CRISPLD1: variants seen among roughly 807,000 people sequenced by gnomAD.
CRISPLD1 encodes the protein cysteine rich secretory protein LCCL domain containing 1.
CRISPLD1 carries 60 observed loss-of-function variants against 77.5 expected under a neutral mutation model. The observed-to-expected ratio is 0.77, with a 90% CI of 0.63 to 0.96. The LOEUF is 0.96. Ranked by LOEUF, CRISPLD1 falls within the 40% of genes least tolerant of loss-of-function variation. The probability of loss-of-function intolerance (pLI) is 0.00; values close to 1 mark genes in which losing one functional copy is unlikely to be tolerated. For synonymous variants in CRISPLD1, 195 were observed against 200.1 expected, an observed-to-expected ratio of 0.97 and a Z score of 0.22; for missense variants, 623 against 615.8, an observed-to-expected ratio of 1.01 and a Z score of -0.12.
intron 6 of CRISPLD1, among the ~76,000 whole-genome samples, chr8:75,016,076 GA>G (rs1285539918): frequency 2.6e-5 from 4 of 151,882 alleles, no homozygotes; most frequent in Non-Finnish European, 5.9e-5. Flanking sequence ...TCTTCTAAAG[GA>G]AAAAAACTCT....
intron 14 of CRISPLD1, among the ~76,000 whole-genome samples, chr8:75,031,464 C>T (rs914969402): frequency 4.0e-5 from 6 of 151,830 alleles, no homozygotes; most frequent in Non-Finnish European, 7.4e-5. Context: ...CCTTGATTTA[C>T]GTTGCTAAAT....
chr8:75,016,594 G>A lies in CRISPLD1; in HGVS notation c.757G>A (p.Glu253Lys). Residue 253 changes from glutamate to lysine, a missense_variant, in exon 7 of 15, where the codon GAA becomes AAA. By Grantham distance (56) the Glu-to-Lys change is moderately conservative. Coordinates refer to ENST00000262207, the MANE Select transcript of CRISPLD1 (RefSeq NM_031461.6). ...GTCAGACAGGTATTATCCCCCTCGA[G>A]AAGAGGAAACAAATGAAATAGAACG... Reference protein sequence around the residue: ...EGSDRYYPPREEETNEIERQQ... With the variant: ...EGSDRYYPPRKEETNEIERQQ... The A allele has an allele frequency of 6.2e-7, 1 of 1,613,224 alleles. No individual in the cohort carries two copies. The highest frequency in any genetic ancestry group is 8.5e-7 in the Non-Finnish European group (1 of 1,179,420).
chr8:75,010,606 G>C (rs1370498563), intron 2 of CRISPLD1, among the ~76,000 whole-genome samples: 1 of 151,902 alleles, frequency 6.6e-6, no homozygotes, highest in Non-Finnish European at 1.5e-5. Flanking sequence ...AGGAAATCTT[G>C]GTTTTCTGTC....
intron 2 of CRISPLD1, among the ~76,000 whole-genome samples, chr8:74,993,639 A>G (rs1288753397): frequency 6.6e-6 from 1 of 152,236 alleles, no homozygotes; most frequent in Non-Finnish European, 1.5e-5. Flanking sequence ...AAAAAGTGAC[A>G]TTACAACCCA....
intron 10 of CRISPLD1, among the ~76,000 whole-genome samples, chr8:75,018,039 A>T (rs1235118984): frequency 1.3e-5 from 2 of 152,166 alleles, no homozygotes; most frequent in East Asian, 1.9e-4. Context: ...AAGTAGAAAA[A>T]TGGGGGCTTT....
intron 2 of CRISPLD1, among the ~76,000 whole-genome samples, chr8:74,991,533 A>G (rs1163039713): frequency 1.3e-5 from 2 of 152,038 alleles, no homozygotes; most frequent in African/African-American, 4.8e-5. Context: ...GAATTACTCA[A>G]TGTTCTTGAA....
chr8:75,001,999 AC>A (rs2128782798), intron 2 of CRISPLD1, among the ~76,000 whole-genome samples: 1 of 152,184 alleles, frequency 6.6e-6, no homozygotes, highest in South Asian at 2.1e-4. Context: ...TGTTAGTGAA[AC>A]CTGAACTTCA....
intron 13 of CRISPLD1, among the ~76,000 whole-genome samples, chr8:75,027,269 A>C (rs1422625251): frequency 1.3e-5 from 2 of 152,232 alleles, no homozygotes; most frequent in Non-Finnish European, 2.9e-5. Context: ...CAGGGCTTAG[A>C]GCACATAGCT....
chr8:75,016,759 C>T lies in CRISPLD1; in HGVS notation c.868+54C>T, dbSNP rs576484241. 7.7e-6 allele frequency: 12 copies of T among 1,560,050 alleles called. No homozygotes were observed. In the African/African-American group the frequency reaches 1.1e-4, roughly 14 times the overall value. On this transcript the variant is annotated intron_variant, in intron 7 of 14. Coordinates refer to ENST00000262207, the MANE Select transcript of CRISPLD1 (RefSeq NM_031461.6). ...TTTCAAAGTACATAAATGGTATATC[C>T]ATCAAGATTTTATTAATTTGAACAT...
chr8:74,986,351 A>G, intron 2 of CRISPLD1, 106 bp downstream of exon 2: 1 of 1,213,470 alleles, frequency 8.2e-7, no homozygotes, highest in Non-Finnish European at 1.2e-6. Context: ...TGAAGTTGAA[A>G]AAAGATTTTC....
intron 12 of CRISPLD1, 136 bp downstream of exon 12, chr8:75,020,215 C>T: frequency 1.5e-6 from 1 of 678,676 alleles, no homozygotes; most frequent in South Asian, 1.8e-5. Context: ...TCATAAACTA[C>T]ATGCACTCCA....
At chr8:75,032,023 T>C (rs1210101543) in intron 14 of CRISPLD1, among the ~76,000 whole-genome samples, 168 bp from the exon 15 acceptor site, 2 of 152,024 alleles carry the variant, frequency 1.3e-5, no homozygotes. Flanking sequence ...AGTTATGTCA[T>C]CCTCATTCGA....
intron 2 of CRISPLD1, among the ~76,000 whole-genome samples, chr8:75,008,561 A>G (rs1812875028): frequency 6.6e-6 from 1 of 152,208 alleles, no homozygotes; most frequent in South Asian, 2.1e-4. Flanking sequence ...CTAAACAGGT[A>G]TGCTTTATTC....
chr8:75,020,006 G>C lies in CRISPLD1; in HGVS notation c.1172-1G>C. On this transcript the variant is annotated splice_acceptor_variant, in intron 11 of 14. Transcript: ENST00000262207. LOFTEE classifies it high-confidence loss of function. ...CATTGTTTTGTGTTTTAATTCTTCA[G>C]TTCAGGCTGTGACTTGTGAAACAAC... The C allele has an allele frequency of 6.2e-7, 1 of 1,614,032 alleles. No homozygotes were observed. Among genetic ancestry groups the C allele is most frequent in the Non-Finnish European group, 8.5e-7 (1 of 1,179,932 alleles).
At chr8:75,014,407 C>T (rs1466565105) in intron 5 of CRISPLD1, among the ~76,000 whole-genome samples, 1 of 151,942 alleles carries the variant, frequency 6.6e-6, no homozygotes, top group Non-Finnish European at 1.5e-5. Context: ...AACAGCTATA[C>T]ATTAATTGAG....
intron 2 of CRISPLD1, among the ~76,000 whole-genome samples, chr8:74,990,890 T>C (rs1397649645): frequency 2.6e-5 from 4 of 152,074 alleles, no homozygotes; most frequent in African/African-American, 9.7e-5. Flanking sequence ...GTAGGTTCTG[T>C]CTCAAATGTC....
chr8:75,011,912 A>G (rs901019316), intron 2 of CRISPLD1, among the ~76,000 whole-genome samples: 2 of 152,172 alleles, frequency 1.3e-5, no homozygotes, highest in African/African-American at 4.8e-5. Flanking sequence ...GAATGTAACA[A>G]AGCCTTAGGA....
chr8:75,034,407 TATA>T lies in CRISPLD1; in HGVS notation c.*2168_*2170del, dbSNP rs1354625289. 2 of 152,092 alleles carry T rather than the reference TATA, an allele frequency of 1.3e-5. No homozygotes were observed. Among genetic ancestry groups the T allele is most frequent in the African/African-American group, 4.8e-5 (2 of 41,460 alleles). The allele number at this position is 152,092 out of a possible 1,614,324, so 9.4% of individuals were successfully genotyped here. On this transcript the variant is annotated 3_prime_UTR_variant, in exon 15 of 15. Transcript: ENST00000262207. ...GAGGTCAGTGGACGCCATTTTCTGT[TATA>T]ATCATTTTTGTTATCTAATTTGGGG...
intron 14 of CRISPLD1, among the ~76,000 whole-genome samples, chr8:75,030,966 A>T (rs1265268917): frequency 3.3e-5 from 5 of 151,980 alleles, no homozygotes; most frequent in African/African-American, 1.2e-4. Flanking sequence ...GGGTTAAATG[A>T]TGTGCTCAAG....
Sources: gnomAD v4.1 joint callset for allele counts (sites outside exome capture counted in the v4.1 genomes callset) on GRCh38, gnomAD v4.1.1 for gene constraint, MANE v1.5 for transcripts, NCBI Gene and HGNC (gene_info 2026-07-23, HGNC 2026-07-21) for gene names.